The following GAB2 variants were observed in gnomAD, a reference collection of about 807,000 sequenced individuals.
GAB2 encodes the protein GRB2 associated binding protein 2, also known as GRB2-associated-binding protein 2.
GAB2 carries 26 observed loss-of-function variants against 65.5 expected under a neutral mutation model. The ratio of observed to expected loss-of-function variants is 0.40; its 90% CI spans 0.29 to 0.55. The LOEUF (loss-of-function observed/expected upper bound fraction) is 0.55, where lower values mean the gene tolerates loss of function less well. Ranked by LOEUF, GAB2 falls within the 20% of genes least tolerant of loss-of-function variation. The pLI is 0.53. For synonymous variants in GAB2, 321 were observed against 329.6 expected (o/e 0.97, Z 0.28); for missense variants, 884 against 875.8 (o/e 1.01, Z -0.12).
intron 2 of GAB2, among the ~76,000 whole-genome samples, chr11:78,276,033 G>C (rs753045232): frequency 6.7e-6 from 1 of 149,280 alleles, no homozygotes; most frequent in Non-Finnish European, 1.5e-5. Context: ...AGAATTGCTT[G>C]AACCTGTGAG....
At chr11:78,251,424 A>G (rs1319656880) in intron 2 of GAB2, among the ~76,000 whole-genome samples, 1 of 152,188 alleles carries the variant, frequency 6.6e-6, no homozygotes, top group African/African-American at 2.4e-5. Flanking sequence ...GGTATTAAGG[A>G]CGGATAATAG....
chr11:78,396,956 C>T (rs571710978), intron 1 of GAB2, among the ~76,000 whole-genome samples: 1 of 152,248 alleles, frequency 6.6e-6, no homozygotes, highest in South Asian at 2.1e-4. Flanking sequence ...GCCTCACCTT[C>T]ATTTTGTAAA....
intron 1 of GAB2, among the ~76,000 whole-genome samples, chr11:78,361,220 T>C (rs2134716889): frequency 6.6e-6 from 1 of 152,318 alleles, no homozygotes. Flanking sequence ...AAATTCCAAC[T>C]GGATCAGATT....
intron 1 of GAB2, among the ~76,000 whole-genome samples, chr11:78,308,869 C>G (rs967838655): frequency 2.6e-5 from 4 of 151,884 alleles, no homozygotes; most frequent in African/African-American, 4.8e-5. Context: ...CTTTATAGTA[C>G]AGTATATATT....
At chr11:78,417,604 A>C in intron 1 of GAB2, 42 bp downstream of exon 1, 1 of 1,076,100 alleles carries the variant, frequency 9.3e-7, no homozygotes, top group Non-Finnish European at 1.2e-6. Flanking sequence ...CAGGCCCCGG[A>C]GCGCCCCCCG....
At chr11:78,321,238 G>A (rs1855717926) in intron 1 of GAB2, among the ~76,000 whole-genome samples, 1 of 152,162 alleles carries the variant, frequency 6.6e-6, no homozygotes, top group Admixed American at 6.5e-5. Context: ...TAAGAGCTGT[G>A]AGAGAGGAAA....
At chr11:78,304,327 C>CA (rs1263289667) in intron 1 of GAB2, among the ~76,000 whole-genome samples, 1 of 152,104 alleles carries the variant, frequency 6.6e-6, no homozygotes, top group African/African-American at 2.4e-5. Flanking sequence ...TGCATCACCC[C>CA]AAAAAGCAAT....
intron 3 of GAB2, among the ~76,000 whole-genome samples, chr11:78,237,753 G>A (rs189841402): frequency 8.7e-4 from 133 of 152,302 alleles, no homozygotes; most frequent in Middle Eastern, 3.4e-3. Flanking sequence ...GTGGTCTAGT[G>A]TATAAGTAAC....
chr11:78,335,165 C>A (rs1855977384), intron 1 of GAB2, among the ~76,000 whole-genome samples: 1 of 152,322 alleles, frequency 6.6e-6, no homozygotes, highest in Non-Finnish European at 1.5e-5. Context: ...GGGCAGTCTG[C>A]AAATGTTTTC....
In GAB2 at chr11:78,313,142, G is replaced by A. The variant is rs1048622090; in HGVS notation, c.76-32241C>T. On this transcript the variant is annotated intron_variant, in intron 1 of 9. Coordinates refer to ENST00000361507, the MANE Select transcript of GAB2 (RefSeq NM_080491.3). ...CTTGCTCTGTTCATAAGGTTGTCAC[G>A]AGAATCTGATGTGTATAAGCCTTAG... Among the ~76,000 whole-genome samples the A allele has an allele frequency of 3.9e-5, 6 of 152,124 alleles. No homozygotes were observed. In the South Asian group the frequency reaches 8.3e-4, roughly 21 times the overall value.
intron 1 of GAB2, among the ~76,000 whole-genome samples, chr11:78,410,896 C>T (rs1011453561): frequency 6.6e-6 from 1 of 152,080 alleles, no homozygotes; most frequent in African/African-American, 2.4e-5. Context: ...CACCTATAAT[C>T]GCAGCACTCT....
intron 1 of GAB2, among the ~76,000 whole-genome samples, chr11:78,365,072 TG>T (rs1856480366): frequency 6.6e-6 from 1 of 152,202 alleles, no homozygotes; most frequent in South Asian, 2.1e-4. Context: ...GAGATTTTAG[TG>T]TACCTGTCAC....
intron 1 of GAB2, among the ~76,000 whole-genome samples, chr11:78,373,280 C>CTTTTTTTTTTTTTT: frequency 7.0e-6 from 1 of 142,952 alleles, no homozygotes. Flanking sequence ...ACTTTTGTTG[C>CTTTTTTTTTTTTTT]CCAGGCTGGA....
chr11:78,287,703 C>A (rs1866525272), intron 1 of GAB2, among the ~76,000 whole-genome samples: 1 of 148,542 alleles, frequency 6.7e-6, no homozygotes, highest in Non-Finnish European at 1.5e-5. Context: ...GGGTGGAGTG[C>A]AGTGGCACAA....
At position 78,219,318 on chromosome 11, in the gene GAB2, G is replaced by C. The variant is rs770369313; in HGVS notation, c.1985C>G (p.Thr662Arg). The change falls in exon 10 of 10, where the codon ACA becomes AGA. Residue 662 changes from threonine (T) to arginine (R), a missense_variant. Transcript: ENST00000361507. ...QALQNTMQEWTDVRQSSEPSK... is the reference protein window; with the variant it reads ...QALQNTMQEWRDVRQSSEPSK... ...AGGCTCTGAGGACTGCCGCACGTCT[G>C]TCCACTCCTGCATGGTGTTCTGCAG... The C allele has an allele frequency of 6.2e-7, 1 of 1,613,960 alleles. No individual in the cohort carries two copies. The highest frequency in any genetic ancestry group is 1.1e-5 in the South Asian group (1 of 91,078).
intron 1 of GAB2, chr11:78,341,692 C>T: frequency 1.1e-6 from 1 of 885,296 alleles, no homozygotes; most frequent in Middle Eastern, 5.8e-4. Context: ...AATGGTGACT[C>T]CTAAAGAACA....
In GAB2 at chr11:78,416,580, G is replaced by C. The variant is rs867166885; in HGVS notation, c.75+1066C>G. Among the ~76,000 whole-genome samples the C allele has an allele frequency of 2.3e-4, 35 of 152,244 alleles. No individual in the cohort carries two copies. The Middle Eastern group carries it at 0.01, about 44-fold the overall frequency. ...GGCTGTGGGAGTGATCCCGGAGTTC[G>C]GCACCACAGCCCGTTAAACAAGGGC... On this transcript the variant is annotated intron_variant, in intron 1 of 9. Transcript: ENST00000361507.
At chr11:78,294,575 CTGT>C (rs1272442480) in intron 1 of GAB2, among the ~76,000 whole-genome samples, 1 of 152,148 alleles carries the variant, frequency 6.6e-6, no homozygotes, top group South Asian at 2.1e-4. Flanking sequence ...TCTCCAGCAC[CTGT>C]TGTTTCCTGA....
At chr11:78,333,855 A>G (rs1185603252) in intron 1 of GAB2, among the ~76,000 whole-genome samples, 1 of 152,154 alleles carries the variant, frequency 6.6e-6, no homozygotes, top group Non-Finnish European at 1.5e-5. Context: ...ATTTTCAGTC[A>G]TCATAAGGAT....
Sources: gnomAD v4.1 joint callset for allele counts (sites outside exome capture counted in the v4.1 genomes callset) on GRCh38, gnomAD v4.1.1 for gene constraint, MANE v1.5 for transcripts, NCBI Gene and HGNC (gene_info 2026-07-23, HGNC 2026-07-21) for gene names.